CLOCK: variants seen among roughly 807,000 people sequenced by gnomAD.
CLOCK encodes circadian locomoter output cycles protein kaput.
Under a neutral mutation model 118.4 loss-of-function variants are expected in CLOCK, and 43 were observed. The ratio of observed to expected loss-of-function variants is 0.36; its 90% CI spans 0.28 to 0.47. CLOCK has a LOEUF of 0.47. Among genes scored for constraint, CLOCK ranks in the 20% least tolerant of loss-of-function variants. CLOCK has a pLI of 1.00. For synonymous variants in CLOCK, 326 were observed against 339.2 expected, an observed-to-expected ratio of 0.96 and a Z score of 0.43; for missense variants, 846 against 999.9, an observed-to-expected ratio of 0.85 and a Z score of 2.08.
intron 2 of CLOCK, among the ~76,000 whole-genome samples, chr4:55,495,462 G>A (rs1728004153): frequency 6.6e-6 from 1 of 152,018 alleles, no homozygotes; most frequent in South Asian, 2.1e-4. Context: ...CCTGTTGGTG[G>A]GGTGAACTTC....
At chr4:55,541,849 C>T (rs924718764) in intron 1 of CLOCK, among the ~76,000 whole-genome samples, 1 of 151,540 alleles carries the variant, frequency 6.6e-6, no homozygotes, top group Non-Finnish European at 1.5e-5. Flanking sequence ...AACATAACAA[C>T]TCCTTACGTT....
Position 55,463,278 on chromosome 4 carries a change from AAAAG to A in CLOCK, c.559+403_559+406del, listed in dbSNP as rs567090698. On this transcript the variant is annotated intron_variant, in intron 9 of 22. Transcript: ENST00000513440. ...ATTTATCTTTATATTTAATAATTTTAAAAGAAACATAGAAATTTTTTCCAGTTTG... is the reference window on the plus strand; with the variant it reads ...ATTTATCTTTATATTTAATAATTTTAAAACATAGAAATTTTTTCCAGTTTG... 5.1e-4 allele frequency among the ~76,000 whole-genome samples: 78 copies of A among 152,238 alleles called. No homozygotes were observed. The Middle Eastern group carries it at 0.01, about 20-fold the overall frequency.
intron 1 of CLOCK, among the ~76,000 whole-genome samples, chr4:55,523,823 T>A (rs745949594): frequency 2.6e-5 from 4 of 152,248 alleles, no homozygotes; most frequent in Non-Finnish European, 5.9e-5. Context: ...AAGAAGTTTT[T>A]GAAACCTTTG....
chr4:55,468,531 T>G (rs890483875), intron 8 of CLOCK, among the ~76,000 whole-genome samples: 3 of 152,194 alleles, frequency 2.0e-5, no homozygotes, highest in African/African-American at 7.2e-5. Context: ...AGATAATGAA[T>G]TAAAATATGG....
intron 2 of CLOCK, among the ~76,000 whole-genome samples, chr4:55,489,842 A>G (rs1446096638): frequency 6.6e-6 from 1 of 152,130 alleles, no homozygotes; most frequent in Non-Finnish European, 1.5e-5. Flanking sequence ...TGTTTTAACT[A>G]TAAGGTGTTT....
chr4:55,480,590 G>A (rs1283250967), intron 4 of CLOCK, among the ~76,000 whole-genome samples: 1 of 152,134 alleles, frequency 6.6e-6, no homozygotes, highest in Admixed American at 6.5e-5. Flanking sequence ...ATAGAAACAA[G>A]TATAAAAATG....
In CLOCK at chr4:55,456,238, C is replaced by T. The variant is rs1724915963; in HGVS notation, c.855G>A (p.Lys285=). 6 of 1,601,124 alleles carry T rather than the reference C, an allele frequency of 3.7e-6. No individual in the cohort carries two copies. The highest frequency in any genetic ancestry group is 5.1e-6 in the Non-Finnish European group (6 of 1,169,746). Residue 285 remains lysine, a synonymous_variant, in exon 12 of 23, where the codon AAG becomes AAA. Transcript: ENST00000513440. ...ATTACCTGTGATCTAGAAACAGAAA[C>T]TTCCATTCTAAACTATGTCTAGATG... ...EFTSRHSLEW[K]FLFLDHRAPP...
chr4:55,477,787 G>A (rs1428582738), intron 6 of CLOCK, among the ~76,000 whole-genome samples: 1 of 151,964 alleles, frequency 6.6e-6, no homozygotes, highest in African/African-American at 2.4e-5. Flanking sequence ...TAAGACTTAG[G>A]AATGTCACAT....
intron 18 of CLOCK, among the ~76,000 whole-genome samples, chr4:55,445,474 G>A (rs1002074682): frequency 6.6e-6 from 1 of 151,952 alleles, no homozygotes; most frequent in Non-Finnish European, 1.5e-5. Flanking sequence ...CATGGGGGAA[G>A]AGGAGGTTAG....
chr4:55,433,875 T>C lies in CLOCK; in HGVS notation c.*1540A>G, dbSNP rs1722682441. Reference sequence around the variant, plus strand: ...TGTAGTGAAGGCATAGCCAAATCCCTACCCCTTCTTTTTTCTTTGTAGGAA... The same window carrying C: ...TGTAGTGAAGGCATAGCCAAATCCCCACCCCTTCTTTTTTCTTTGTAGGAA... On this transcript the variant is annotated 3_prime_UTR_variant, in exon 23 of 23. Coordinates refer to ENST00000513440, the MANE Select transcript of CLOCK (RefSeq NM_004898.4). The C allele has an allele frequency of 6.6e-6, 1 of 152,206 alleles. No homozygotes were observed. 9.4% of individuals were successfully genotyped at this position (152,206 alleles called of 1,614,324 possible).
At chr4:55,448,717 C>T in intron 18 of CLOCK, 62 bp downstream of exon 18, 1 of 1,338,728 alleles carries the variant, frequency 7.5e-7, no homozygotes, top group Admixed American at 1.8e-5. Flanking sequence ...AAAAAAATTA[C>T]ATTAGCTTAA....
intron 2 of CLOCK, among the ~76,000 whole-genome samples, chr4:55,490,540 C>G (rs1473360766): frequency 6.6e-6 from 1 of 151,996 alleles, no homozygotes; most frequent in Non-Finnish European, 1.5e-5. Context: ...TGGACTGGTT[C>G]CAGGACCCCC....
At chr4:55,527,543 T>C (rs1332024227) in intron 1 of CLOCK, among the ~76,000 whole-genome samples, 2 of 152,100 alleles carry the variant, frequency 1.3e-5, no homozygotes, top group Non-Finnish European at 2.9e-5. Flanking sequence ...AATCATTATA[T>C]AGGCATGACT....
intron 11 of CLOCK, 64 bp downstream of exon 11, chr4:55,458,828 A>G: frequency 9.1e-7 from 1 of 1,093,586 alleles, no homozygotes; most frequent in East Asian, 2.4e-5. Flanking sequence ...GTCTGCAGGA[A>G]GTTTCAGGCA....
At chr4:55,504,163 A>G (rs755664867) in intron 2 of CLOCK, among the ~76,000 whole-genome samples, 15 of 150,880 alleles carry the variant, frequency 9.9e-5, no homozygotes, top group Non-Finnish European at 1.6e-4. Context: ...GCAGGCGCCT[A>G]TAGTCCCAAC....
At chr4:55,444,932 A>C in intron 18 of CLOCK, 147 bp from the exon 19 acceptor site, 1 of 852,864 alleles carries the variant, frequency 1.2e-6, no homozygotes, top group Non-Finnish European at 1.9e-6. Flanking sequence ...TAATCCACCC[A>C]TCTTTGCTCT....
chr4:55,504,096 A>AAC (rs1728629159), intron 2 of CLOCK, among the ~76,000 whole-genome samples: 1 of 151,030 alleles, frequency 6.6e-6, no homozygotes, highest in Non-Finnish European at 1.5e-5. Context: ...CATCCTGGCT[A>AAC]ACACAGTGAA....
chr4:55,533,555 A>G (rs764806441), intron 1 of CLOCK, among the ~76,000 whole-genome samples: 21 of 152,232 alleles, frequency 1.4e-4, no homozygotes, highest in Admixed American at 1.2e-3. Flanking sequence ...CCTAGAAAGT[A>G]ATTCAAACCA....
chr4:55,495,185 T>C (rs1413153701), intron 2 of CLOCK, among the ~76,000 whole-genome samples: 3 of 152,096 alleles, frequency 2.0e-5, no homozygotes, highest in African/African-American at 7.2e-5. Context: ...CTATATACTC[T>C]GTATGTCCCT....
Sources: allele counts gnomAD v4.1 joint callset (sites outside exome capture counted in the v4.1 genomes callset), GRCh38; gene constraint gnomAD v4.1.1; transcripts MANE v1.5; gene names NCBI Gene and HGNC (gene_info 2026-07-23, HGNC 2026-07-21).